Variants in RTL4 observed in about 807,000 individuals in gnomAD.
The protein encoded by RTL4 is retrotransposon Gag-like protein 4.
Under a neutral mutation model 5.3 loss-of-function variants are expected in RTL4, and 4 were observed. The observed-to-expected ratio is 0.75, with a 90% CI of 0.37 to 1.72. The LOEUF (loss-of-function observed/expected upper bound fraction) is 1.72, where lower values mean the gene tolerates loss of function less well. RTL4 is among the 40% of genes most tolerant of loss of function. The pLI is 0.04. For missense variants in RTL4, 260 were observed against 227.1 expected, an observed-to-expected ratio of 1.14 and a Z score of -0.93; for synonymous variants, 98 against 87.3, an observed-to-expected ratio of 1.12 and a Z score of -0.68.
At chrX:112,434,423 T>C in the RTL4 span, among the ~76,000 whole-genome samples, 1 of 111,717 alleles carries the variant, frequency 9.0e-6, no homozygotes, top group African/African-American at 3.3e-5. Context: ...CTGTTATTGG[T>C]CTATTTAGAG....
the RTL4 span, among the ~76,000 whole-genome samples, chrX:112,126,812 A>G: frequency 1.8e-5 from 2 of 112,192 alleles, no homozygotes; most frequent in South Asian, 7.4e-4. Context: ...ACCTAGATGA[A>G]ATGGACAAAT....
At chrX:112,248,753 G>A in the RTL4 span, among the ~76,000 whole-genome samples, 1 of 111,941 alleles carries the variant, frequency 8.9e-6, no homozygotes, top group Admixed American at 9.5e-5. Flanking sequence ...GGGAAGTGAT[G>A]CCAAATTGAA....
chrX:112,286,824 G>T, the RTL4 span, among the ~76,000 whole-genome samples: 9 of 111,694 alleles, frequency 8.1e-5, no homozygotes, highest in African/African-American at 2.9e-4. Flanking sequence ...AAAATGTTTA[G>T]TAGGATTGAT....
chrX:112,262,209 A>G, the RTL4 span, among the ~76,000 whole-genome samples: 419 of 112,220 alleles, frequency 3.7e-3, 3 homozygotes, highest in African/African-American at 0.013. Context: ...TAATTAAACT[A>G]AAGAGCTTCT....
the RTL4 span, among the ~76,000 whole-genome samples, chrX:112,279,080 G>A: frequency 9.1e-6 from 1 of 109,307 alleles, no homozygotes; most frequent in Non-Finnish European, 1.9e-5. Context: ...GAAAACTGAA[G>A]GACTAATTAA....
the RTL4 span, among the ~76,000 whole-genome samples, chrX:112,305,434 C>T: frequency 5.9e-3 from 650 of 109,592 alleles, 7 homozygotes; most frequent in African/African-American, 0.021. Context: ...GCCATCTCGG[C>T]TCACTGCAAG....
At chrX:112,210,802 A>T in the RTL4 span, among the ~76,000 whole-genome samples, 2 of 112,344 alleles carry the variant, frequency 1.8e-5, no homozygotes, top group Non-Finnish European at 3.8e-5. Flanking sequence ...TCTTGTGAGA[A>T]CTTAAGAAAA....
the RTL4 span, among the ~76,000 whole-genome samples, chrX:112,161,840 C>CTTTCTTT: frequency 0.068 from 2,706 of 39,592 alleles, 182 homozygotes; most frequent in East Asian, 0.12. Flanking sequence ...TTCCTTCCTT[C>CTTTCTTT]CTTCCTTTCT....
the RTL4 span, among the ~76,000 whole-genome samples, chrX:112,307,157 G>A: frequency 2.9e-4 from 33 of 112,135 alleles, no homozygotes; most frequent in Admixed American, 1.2e-3. Context: ...ATAGCAAAGA[G>A]CTGATAATAG....
At chrX:112,189,442 ACATT>A in the RTL4 span, among the ~76,000 whole-genome samples, 1 of 111,895 alleles carries the variant, frequency 8.9e-6, no homozygotes, top group Non-Finnish European at 1.9e-5. Flanking sequence ...GCAAGCATAA[ACATT>A]CAGTTATACT....
chrX:112,165,528 G>A, the RTL4 span, among the ~76,000 whole-genome samples: 1 of 111,148 alleles, frequency 9.0e-6, no homozygotes, highest in Admixed American at 9.5e-5. Flanking sequence ...TTTCCTGCTG[G>A]GCCAAGACCC....
At chrX:112,397,067 A>G in the RTL4 span, among the ~76,000 whole-genome samples, 1 of 111,853 alleles carries the variant, frequency 8.9e-6, no homozygotes, top group East Asian at 2.8e-4. Flanking sequence ...CCCATTTTTC[A>G]TACTATTGTC....
the RTL4 span, among the ~76,000 whole-genome samples, chrX:112,204,601 T>A: frequency 1.8e-5 from 2 of 111,468 alleles, no homozygotes; most frequent in Non-Finnish European, 3.8e-5. Flanking sequence ...TCACTTATCT[T>A]TGGGAACTAA....
chrX:112,263,049 G>A, the RTL4 span, among the ~76,000 whole-genome samples: 9 of 82,578 alleles, frequency 1.1e-4, no homozygotes, highest in African/African-American at 3.8e-4. Flanking sequence ...ACTGGGGCCT[G>A]TTTTGGGGTT....
chrX:112,309,076 T>C, the RTL4 span, among the ~76,000 whole-genome samples: 1 of 111,685 alleles, frequency 9.0e-6, no homozygotes, highest in African/African-American at 3.3e-5. Flanking sequence ...CCATTGTTTA[T>C]ATATTGAAGC....
chrX:112,247,019 A>C, the RTL4 span, among the ~76,000 whole-genome samples: 1 of 112,008 alleles, frequency 8.9e-6, no homozygotes, highest in African/African-American at 3.2e-5. Context: ...AACTACTCAA[A>C]AAACTGCACA....
At chrX:112,260,278 C>T in the RTL4 span, among the ~76,000 whole-genome samples, 1 of 111,212 alleles carries the variant, frequency 9.0e-6, no homozygotes, top group African/African-American at 3.3e-5. Flanking sequence ...TTAACACTGG[C>T]CTATATTCTA....
chrX:112,270,146 TGAA>T, the RTL4 span, among the ~76,000 whole-genome samples: 1 of 112,241 alleles, frequency 8.9e-6, no homozygotes, highest in Non-Finnish European at 1.9e-5. Flanking sequence ...CACCTTTAGA[TGAA>T]GTTCAATCAC....
At chrX:112,362,094 T>C in the RTL4 span, among the ~76,000 whole-genome samples, 1 of 112,089 alleles carries the variant, frequency 8.9e-6, no homozygotes, top group East Asian at 2.8e-4. Context: ...TCTGAGAAGT[T>C]ATTCAGATAT....
Sources: allele counts gnomAD v4.1 joint callset (sites outside exome capture counted in the v4.1 genomes callset), GRCh38; gene constraint gnomAD v4.1.1; transcripts MANE v1.5; gene names NCBI Gene and HGNC (gene_info 2026-07-23, HGNC 2026-07-21).